The following COL28A1 variants were observed in gnomAD, a reference collection of about 807,000 sequenced individuals.
COL28A1 encodes the protein collagen type XXVIII alpha 1 chain.
A neutral mutation model predicts 150.2 loss-of-function variants in COL28A1; 161 were observed. The ratio of observed to expected loss-of-function variants is 1.07; its 90% CI spans 0.94 to 1.22. The LOEUF is 1.22. Among genes scored for constraint, COL28A1 ranks in the 50% most tolerant of loss-of-function variants. The probability of loss-of-function intolerance (pLI) is 0.00; values close to 1 mark genes in which losing one functional copy is unlikely to be tolerated. For missense variants in COL28A1, 1,617 were observed against 1,388.3 expected, an observed-to-expected ratio of 1.16 and a Z score of -2.62; for synonymous variants, 552 against 469.7, an observed-to-expected ratio of 1.18 and a Z score of -2.26.
chr7:7,436,783 TA>T (rs748115930), intron 22 of COL28A1, among the ~76,000 whole-genome samples: 17 of 152,214 alleles, frequency 1.1e-4, no homozygotes, highest in Admixed American at 2.0e-4. Flanking sequence ...CTCACACCTA[TA>T]ATTCCAACAC....
intron 18 of COL28A1, among the ~76,000 whole-genome samples, chr7:7,445,953 G>A (rs1786230546): frequency 1.3e-5 from 2 of 151,780 alleles, no homozygotes; most frequent in African/African-American, 4.8e-5. Flanking sequence ...CCGCCTCCCG[G>A]GTTCAAGTGA....
chr7:7,522,805 G>GAAAAAAAAA (rs1781799421), intron 4 of COL28A1, among the ~76,000 whole-genome samples: 1 of 13,118 alleles, frequency 7.6e-5, no homozygotes, highest in African/African-American at 4.9e-4. Context: ...TAGCTGAAGA[G>GAAAAAAAAA]CAAAAAAAAA....
intron 11 of COL28A1, among the ~76,000 whole-genome samples, chr7:7,500,310 T>A (rs1313728447): frequency 6.6e-6 from 1 of 152,230 alleles, no homozygotes; most frequent in Non-Finnish European, 1.5e-5. Flanking sequence ...TAAAACCTTT[T>A]ATTCACTCAT....
chr7:7,440,769 G>C (rs932507734), intron 21 of COL28A1, 21 bp downstream of exon 21: 4 of 1,098,828 alleles, frequency 3.6e-6, no homozygotes, highest in East Asian at 2.4e-5. Flanking sequence ...CAAAGCGTAA[G>C]TCAGAATACA....
intron 33 of COL28A1, among the ~76,000 whole-genome samples, chr7:7,368,420 C>T (rs62452114): frequency 0.013 from 1,772 of 140,544 alleles, 15 homozygotes; most frequent in Non-Finnish European, 0.016. Flanking sequence ...GAATACCCTT[C>T]CCCCTGCTCT....
intron 25 of COL28A1, among the ~76,000 whole-genome samples, chr7:7,426,261 T>A (rs1026361598): frequency 4.6e-5 from 7 of 152,208 alleles, no homozygotes; most frequent in Non-Finnish European, 8.8e-5. Context: ...TATGTTTCTT[T>A]CTTTCTGGTT....
chr7:7,349,358 T>C, the COL28A1 span, among the ~76,000 whole-genome samples: 1 of 152,116 alleles, frequency 6.6e-6, no homozygotes, highest in South Asian at 2.1e-4. Flanking sequence ...ACTATTTCTA[T>C]CCCAGTATTA....
chr7:7,389,410 T>G (rs1322596197), intron 27 of COL28A1, among the ~76,000 whole-genome samples: 1 of 152,200 alleles, frequency 6.6e-6, no homozygotes, highest in Non-Finnish European at 1.5e-5. Context: ...CCTCATTGTA[T>G]AGTTTGAAGT....
intron 27 of COL28A1, among the ~76,000 whole-genome samples, chr7:7,412,082 A>G (rs531228515): frequency 6.6e-6 from 1 of 152,226 alleles, no homozygotes; most frequent in East Asian, 1.9e-4. Context: ...ACACAGCATG[A>G]CTACCTTTCC....
intron 27 of COL28A1, among the ~76,000 whole-genome samples, chr7:7,408,469 AG>A (rs1198580568): frequency 6.6e-6 from 1 of 152,192 alleles, no homozygotes; most frequent in Admixed American, 6.5e-5. Context: ...GGTGTTTGTA[AG>A]AGCAATAAAA....
chr7:7,419,701 C>T (rs1784289810), intron 26 of COL28A1, among the ~76,000 whole-genome samples, 184 bp downstream of exon 26: 1 of 152,138 alleles, frequency 6.6e-6, no homozygotes, highest in South Asian at 2.1e-4. Flanking sequence ...AAGTGAATGG[C>T]TTTATAAACT....
chr7:7,457,238 C>T (rs543453260), intron 15 of COL28A1, among the ~76,000 whole-genome samples: 1 of 152,186 alleles, frequency 6.6e-6, no homozygotes, highest in East Asian at 1.9e-4. Flanking sequence ...TTTAAGGCCC[C>T]ATCTGGAAGC....
chr7:7,523,240 C>T (rs1179191647), intron 4 of COL28A1, among the ~76,000 whole-genome samples: 1 of 150,798 alleles, frequency 6.6e-6, no homozygotes, highest in Non-Finnish European at 1.5e-5. Flanking sequence ...TCACTGCAAC[C>T]TCTGCCTCCT....
At chr7:7,454,767 G>C (rs894644510) in intron 16 of COL28A1, among the ~76,000 whole-genome samples, 1 of 152,000 alleles carries the variant, frequency 6.6e-6, no homozygotes, top group African/African-American at 2.4e-5. Context: ...TTTGGGATAA[G>C]TAAGCCCCTG....
chr7:7,353,662 A>G (rs559215380), downstream of COL28A1, among the ~76,000 whole-genome samples: 64 of 152,292 alleles, frequency 4.2e-4, 1 homozygote, highest in African/African-American at 1.4e-3. Context: ...TGCAGTATTA[A>G]GATGTGGTCA....
At chr7:7,478,462 C>A (rs1789105485) in intron 13 of COL28A1, among the ~76,000 whole-genome samples, 1 of 152,248 alleles carries the variant, frequency 6.6e-6, no homozygotes, top group Admixed American at 6.5e-5. Context: ...CCCACTAGAC[C>A]CAGGAGCCTA....
At chr7:7,365,400 G>T (rs1358381395) in intron 33 of COL28A1, among the ~76,000 whole-genome samples, 1 of 152,098 alleles carries the variant, frequency 6.6e-6, no homozygotes, top group South Asian at 2.1e-4. Flanking sequence ...GTTGTCTAGG[G>T]ACACCTGAGA....
intron 33 of COL28A1, among the ~76,000 whole-genome samples, 169 bp from the exon 34 acceptor site, chr7:7,360,697 A>T (rs1780607973): frequency 6.6e-6 from 1 of 152,152 alleles, no homozygotes; most frequent in South Asian, 2.1e-4. Context: ...CCTCTGTGTC[A>T]TGCATCCCTC....
At chr7:7,489,096 C>T (rs1334846345) in intron 13 of COL28A1, among the ~76,000 whole-genome samples, 2 of 151,924 alleles carry the variant, frequency 1.3e-5, no homozygotes, top group East Asian at 1.9e-4. Context: ...GGCAAAACAC[C>T]GTCTCTACTA....
Sources: allele counts gnomAD v4.1 joint callset (sites outside exome capture counted in the v4.1 genomes callset), GRCh38; gene constraint gnomAD v4.1.1; transcripts MANE v1.5; gene names NCBI Gene and HGNC (gene_info 2026-07-23, HGNC 2026-07-21).